The following CLN8 variants were observed in gnomAD, a reference collection of about 807,000 sequenced individuals.
CLN8 encodes protein CLN8.
In CLN8, 14 loss-of-function variants were observed where a neutral mutation model predicts 15.7. The observed-to-expected ratio is 0.89, with a 90% CI of 0.59 to 1.39. The LOEUF (loss-of-function observed/expected upper bound fraction) is 1.39. Ranked by LOEUF, CLN8 falls within the 40% of genes most tolerant of loss-of-function variation. The pLI is 0.00. For synonymous variants in CLN8, 188 were observed against 151.0 expected, an observed-to-expected ratio of 1.25 and a Z score of -1.80; for missense variants, 415 against 364.0, an observed-to-expected ratio of 1.14 and a Z score of -1.14.
intron 1 of CLN8, 85 bp from the exon 2 acceptor site, chr8:1,770,847 T>G (rs1801268350): frequency 1.6e-6 from 1 of 606,916 alleles, no homozygotes; most frequent in East Asian, 2.7e-5. Context: ...ATTAAATATT[T>G]TGTAGTTTAA....
chr8:1,758,937 T>C (rs1800730695), upstream of CLN8: 1 of 152,160 alleles, frequency 6.6e-6, no homozygotes. Flanking sequence ...TCTGGCAGGA[T>C]GTGGATTTTC....
intron 1 of CLN8, among the ~76,000 whole-genome samples, chr8:1,768,799 C>G (rs1267374567): frequency 1.3e-5 from 2 of 152,198 alleles, no homozygotes; most frequent in Non-Finnish European, 2.9e-5. Flanking sequence ...ACACTGAATA[C>G]CAGAGCCGAG....
intron 2 of CLN8, among the ~76,000 whole-genome samples, chr8:1,772,081 G>A (rs1258635592): frequency 6.6e-6 from 1 of 151,876 alleles, no homozygotes; most frequent in Non-Finnish European, 1.5e-5. Context: ...GACTACAGGT[G>A]CGCACCACCA....
At chr8:1,777,722 C>T (rs1213412948) in intron 2 of CLN8, among the ~76,000 whole-genome samples, 3 of 152,152 alleles carry the variant, frequency 2.0e-5, no homozygotes, top group Non-Finnish European at 4.4e-5. Context: ...CACACCTTGT[C>T]CCACTGGAGA....
At chr8:1,761,083 G>T (rs1242758784), upstream of CLN8, among the ~76,000 whole-genome samples, 2 of 126,616 alleles carry the variant, frequency 1.6e-5, no homozygotes, top group East Asian at 4.8e-4. Context: ...GCAGTGGCAT[G>T]ATCTCGGCTC....
At chr8:1,767,565 C>CTTTTTTTTTTT (rs1156569423) in intron 1 of CLN8, among the ~76,000 whole-genome samples, 3 of 81,310 alleles carry the variant, frequency 3.7e-5, no homozygotes, top group East Asian at 4.3e-4. Flanking sequence ...ATGTTTCTTT[C>CTTTTTTTTTTT]TTTTTTTTTT....
At chr8:1,778,662 C>T (rs1018434286) in intron 2 of CLN8, among the ~76,000 whole-genome samples, 8 of 152,176 alleles carry the variant, frequency 5.3e-5, no homozygotes, top group Non-Finnish European at 1.0e-4. Context: ...TCTCTGAAGG[C>T]GTGTGTGTGC....
At chr8:1,764,277 G>C (rs1156546901) in intron 1 of CLN8, 2 of 152,346 alleles carry the variant, frequency 1.3e-5, no homozygotes, top group East Asian at 3.8e-4. Context: ...TGCCTGCGCG[G>C]GTTGGGCGTG....
chr8:1,755,845 C>T (rs1800657569), exon 1 of CLN8: 7 of 152,312 alleles, frequency 4.6e-5, no homozygotes, highest in Admixed American at 3.9e-4. Flanking sequence ...GCAGGAGACT[C>T]ACGAGTTGAT....
intron 2 of CLN8, among the ~76,000 whole-genome samples, chr8:1,774,716 A>T (rs190129356): frequency 3.8e-4 from 58 of 152,342 alleles, no homozygotes; most frequent in Admixed American, 1.1e-3. Context: ...TGTCAGGCCA[A>T]GTGCGGTGGC....
chr8:1,756,927 C>A (rs1800684938), intron 1 of CLN8, among the ~76,000 whole-genome samples: 1 of 152,090 alleles, frequency 6.6e-6, no homozygotes, highest in Non-Finnish European at 1.5e-5. Flanking sequence ...AAGTGACCCA[C>A]CCACCTCGGC....
intron 1 of CLN8, among the ~76,000 whole-genome samples, chr8:1,765,464 G>C (rs769202845): frequency 6.6e-6 from 1 of 152,110 alleles, no homozygotes; most frequent in Non-Finnish European, 1.5e-5. Flanking sequence ...TATATTTTCT[G>C]AATTTTGTGT....
At chr8:1,763,146 G>GGAGGCT (rs888801305), upstream of CLN8, 1 of 151,932 alleles carries the variant, frequency 6.6e-6, no homozygotes, top group African/African-American at 2.4e-5. Context: ...CGAGCCCCGG[G>GGAGGCT]GAGGCTCCGG....
intron 2 of CLN8, chr8:1,780,029 G>C: frequency 1.0e-6 from 1 of 985,476 alleles, no homozygotes. Context: ...CAGCATGAGC[G>C]GGCAAGGGTC....
At chr8:1,768,763 A>G (rs567337147) in intron 1 of CLN8, among the ~76,000 whole-genome samples, 1 of 152,304 alleles carries the variant, frequency 6.6e-6, no homozygotes, top group Admixed American at 6.5e-5. Flanking sequence ...TGTGAAGTGC[A>G]TAGGGGTTCA....
chr8:1,770,426 C>G (rs1801252588), intron 1 of CLN8, among the ~76,000 whole-genome samples: 1 of 152,138 alleles, frequency 6.6e-6, no homozygotes, highest in Non-Finnish European at 1.5e-5. Context: ...GTGAGGAGTT[C>G]AGGCCTTCCC....
In CLN8 at chr8:1,780,505, C is replaced by T. The variant is rs778453138; in HGVS notation, c.799C>T (p.Gln267Ter). 6.2e-7 allele frequency: 1 copy of T among 1,614,236 alleles called. No homozygotes were observed. Among genetic ancestry groups the T allele is most frequent in the Non-Finnish European group, 8.5e-7 (1 of 1,180,056 alleles). ...CAATCCGGTGGACTGGAACTTCGCA[C>T]AGCCAGAAGCCAAGAGCAGGCCAGA... ...LLNPVDWNFAQPEAKSRPEGN... is the reference protein window; with the variant it reads ...LLNPVDWNFA Residue 267 changes from glutamine (Q) to a stop codon, truncating the protein, a stop_gained, in exon 3 of 3, where the codon CAG becomes TAG. Transcript: ENST00000331222. LOFTEE classifies it low-confidence loss of function (END_TRUNC).
chr8:1,777,773 A>G (rs1360600385), intron 2 of CLN8, among the ~76,000 whole-genome samples: 1 of 152,180 alleles, frequency 6.6e-6, no homozygotes, highest in Admixed American at 6.6e-5. Context: ...GCTACCTCCT[A>G]TGGTGACAGT....
At chr8:1,766,989 C>T (rs990195407) in intron 1 of CLN8, among the ~76,000 whole-genome samples, 7 of 152,230 alleles carry the variant, frequency 4.6e-5, no homozygotes, top group Non-Finnish European at 1.0e-4. Flanking sequence ...CAGCTGTTCT[C>T]AGTACAACGC....
Sources: allele counts gnomAD v4.1 joint callset (sites outside exome capture counted in the v4.1 genomes callset), GRCh38; gene constraint gnomAD v4.1.1; transcripts MANE v1.5; gene names NCBI Gene and HGNC (gene_info 2026-07-23, HGNC 2026-07-21).